The following FGF1 variants were observed in gnomAD, a reference collection of about 807,000 sequenced individuals.
FGF1 encodes fibroblast growth factor 1.
FGF1 carries 9 observed loss-of-function variants against 13.4 expected under a neutral mutation model. The ratio of observed to expected loss-of-function variants is 0.67; its 90% confidence interval spans 0.40 to 1.17. FGF1 has a LOEUF of 1.17. Ranked by LOEUF, FGF1 falls within the 50% of genes most tolerant of loss-of-function variation. The pLI, the probability that FGF1 is intolerant of heterozygous loss-of-function variation, is 0.01. For missense variants in FGF1, 156 were observed against 192.7 expected (o/e 0.81, Z 1.13); for synonymous variants, 93 against 79.0 (o/e 1.18, Z -0.94).
At chr5:142,641,386 G>A (rs1333582509) in intron 1 of FGF1, among the ~76,000 whole-genome samples, 1 of 151,954 alleles carries the variant, frequency 6.6e-6, no homozygotes, top group Admixed American at 6.5e-5. Flanking sequence ...TCCTTTTTCT[G>A]TGGGGGTTAA....
chr5:142,686,486 A>G (rs1217787870), upstream of FGF1: 2 of 152,244 alleles, frequency 1.3e-5, no homozygotes, highest in Non-Finnish European at 2.9e-5. Flanking sequence ...TGTGAGCCGA[A>G]TGGACTTCTG....
chr5:142,640,000 C>T (rs1224392163), intron 1 of FGF1, among the ~76,000 whole-genome samples: 1 of 151,896 alleles, frequency 6.6e-6, no homozygotes, highest in Non-Finnish European at 1.5e-5. Flanking sequence ...TCTTCACAAA[C>T]CAAAGTCTGT....
At chr5:142,631,534 T>G (rs1763368468) in intron 1 of FGF1, among the ~76,000 whole-genome samples, 1 of 152,232 alleles carries the variant, frequency 6.6e-6, no homozygotes, top group Non-Finnish European at 1.5e-5. Context: ...ATTTCCCCAC[T>G]GGCTGGGTCA....
chr5:142,601,033 CG>C (rs1756435155), intron 2 of FGF1: 12 of 607,748 alleles, frequency 2.0e-5, no homozygotes, highest in South Asian at 1.8e-4. Context: ...GGAGAGACAA[CG>C]GCCGGCTCAC....
At chr5:142,679,104 T>C (rs1286237046) in intron 1 of FGF1, among the ~76,000 whole-genome samples, 3 of 152,154 alleles carry the variant, frequency 2.0e-5, no homozygotes, top group Non-Finnish European at 4.4e-5. Context: ...ATAGGATCAC[T>C]TTCTCCCCTG....
intron 1 of FGF1, among the ~76,000 whole-genome samples, chr5:142,616,905 T>C (rs1760363285): frequency 6.6e-6 from 1 of 152,226 alleles, no homozygotes; most frequent in South Asian, 2.1e-4. Flanking sequence ...TGTACTTCAT[T>C]TGGTACAGGA....
rs142474422 is a variant in FGF1 at position 142,677,922 on chromosome 5, T to A, written c.-35+8035A>T. ...GTAAGCGGCATGAAGGAAAAATAAG[T>A]CAGAGGGGAGAAACAGGGAAAACTT... On this transcript the variant is annotated intron_variant, in intron 1 of 3. Transcript: ENST00000337706. Among the ~76,000 whole-genome samples the A allele has an allele frequency of 4.9e-3, 742 of 152,038 alleles. 3 individuals carry two copies. Among genetic ancestry groups the A allele is most frequent in the Non-Finnish European group, 7.5e-3 (508 of 67,974 alleles).
intron 1 of FGF1, among the ~76,000 whole-genome samples, chr5:142,650,957 ACTCATT>A (rs1767121014): frequency 6.6e-6 from 1 of 152,118 alleles, no homozygotes; most frequent in Admixed American, 6.5e-5. Flanking sequence ...TAACACTCAT[ACTCATT>A]CCTAGCGTGC....
chr5:142,596,942 C>A (rs1185357504), intron 3 of FGF1, among the ~76,000 whole-genome samples: 1 of 151,742 alleles, frequency 6.6e-6, no homozygotes, highest in Non-Finnish European at 1.5e-5. Context: ...CTTATGATAT[C>A]ATCAAAATGT....
intron 2 of FGF1, among the ~76,000 whole-genome samples, chr5:142,611,546 A>G (rs1456529551): frequency 2.0e-5 from 3 of 152,190 alleles, no homozygotes; most frequent in African/African-American, 4.8e-5. Flanking sequence ...CATAATGGCA[A>G]GAACGTTAAT....
intron 2 of FGF1, among the ~76,000 whole-genome samples, chr5:142,613,688 A>C (rs766592434): frequency 1.3e-4 from 20 of 152,224 alleles, no homozygotes; most frequent in Non-Finnish European, 2.5e-4. Context: ...AACATACAGC[A>C]ATTGAGCACC....
intron 1 of FGF1, among the ~76,000 whole-genome samples, chr5:142,638,131 C>G (rs1764593117): frequency 6.6e-6 from 1 of 152,014 alleles, no homozygotes; most frequent in South Asian, 2.1e-4. Flanking sequence ...CACTCTGCCC[C>G]CAAGCTCTCC....
chr5:142,691,074 C>CT (rs1752133820), upstream of FGF1, among the ~76,000 whole-genome samples: 1 of 152,240 alleles, frequency 6.6e-6, no homozygotes, highest in Admixed American at 6.5e-5. Context: ...ACATCTCCCA[C>CT]TTTCTTTTTC....
chr5:142,641,693 C>T (rs1765227315), intron 1 of FGF1, among the ~76,000 whole-genome samples: 1 of 152,046 alleles, frequency 6.6e-6, no homozygotes, highest in Admixed American at 6.5e-5. Context: ...ACCGTATAAA[C>T]AGTGTTATTT....
In FGF1 at chr5:142,601,201, G is replaced by A. The variant is rs57595263; in HGVS notation, c.170-396C>T. The A allele has an allele frequency of 1.3e-3, 635 of 472,510 alleles. 6 individuals carry two copies. Among genetic ancestry groups the A allele is most frequent in the African/African-American group, 0.012 (593 of 50,870 alleles). 29.3% of individuals were successfully genotyped at this position (472,510 alleles called of 1,614,324 possible). ...CCCTGCAATCTTGGGATGCCATAGAGTAGGATCTGGCCAGCCTGCATGTGT... is the reference window on the plus strand; with the variant it reads ...CCCTGCAATCTTGGGATGCCATAGAATAGGATCTGGCCAGCCTGCATGTGT... On this transcript the variant is annotated intron_variant, in intron 2 of 3. Coordinates refer to ENST00000337706, the MANE Select transcript of FGF1 (RefSeq NM_000800.5).
rs1754433616 is a variant in FGF1, at chr5:142,592,424, ATTG to A, written c.*2863_*2865del. 2.5e-6 allele frequency: 1 copy of A among 398,390 alleles called. No homozygotes were observed. The highest frequency in any genetic ancestry group is 3.6e-5 in the East Asian group (1 of 28,076). 24.7% of individuals were successfully genotyped at this position (398,390 alleles called of 1,614,324 possible). A position where few individuals can be genotyped will look rare whatever the true frequency, so the allele number is the denominator to read the frequency against. ...TTTTTGTTCATACACACTGTTGGCC[ATTG>A]TGAATCTTTCTTATCATGCCTTCCA... is the stretch of plus-strand genomic sequence containing the variant. On this transcript the variant is annotated 3_prime_UTR_variant, in exon 4 of 4. Transcript: ENST00000337706.
At chr5:142,683,256 G>T (rs1774052247) in intron 1 of FGF1, among the ~76,000 whole-genome samples, 1 of 152,150 alleles carries the variant, frequency 6.6e-6, no homozygotes, top group Admixed American at 6.5e-5. Flanking sequence ...CCTAACCCCT[G>T]GGAGCTAGCA....
At chr5:142,682,374 G>A (rs191485468) in intron 1 of FGF1, among the ~76,000 whole-genome samples, 8 of 152,284 alleles carry the variant, frequency 5.3e-5, no homozygotes, top group Non-Finnish European at 1.0e-4. Flanking sequence ...ATGAGCCATC[G>A]CACCTGGCCA....
intron 1 of FGF1, among the ~76,000 whole-genome samples, chr5:142,622,976 G>GA (rs1304972362): frequency 1.3e-5 from 2 of 152,214 alleles, no homozygotes; most frequent in African/African-American, 4.8e-5. Context: ...ACAGCTCCCA[G>GA]AAGCTCATGA....
Sources: allele counts gnomAD v4.1 joint callset (sites outside exome capture counted in the v4.1 genomes callset), GRCh38; gene constraint gnomAD v4.1.1; transcripts MANE v1.5; gene names NCBI Gene and HGNC (gene_info 2026-07-23, HGNC 2026-07-21).